Variants in KIAA1755 observed in about 807,000 individuals in gnomAD.
KIAA1755 encodes uncharacterized protein KIAA1755.
Under a neutral mutation model 91.7 loss-of-function variants are expected in KIAA1755, and 68 were observed. The observed-to-expected ratio is 0.74, with a 90% CI of 0.61 to 0.91. The LOEUF is 0.91. Ranked by LOEUF, KIAA1755 falls within the 40% of genes least tolerant of loss-of-function variation. The pLI is 0.00. For missense variants in KIAA1755, 1,535 were observed against 1,494.4 expected (o/e 1.03, Z -0.45); for synonymous variants, 610 against 604.6 (o/e 1.01, Z -0.13).
At chr20:38,228,057 G>T in intron 6 of KIAA1755, 90 bp downstream of exon 6, 2 of 896,246 alleles carry the variant, frequency 2.2e-6, no homozygotes, top group Non-Finnish European at 3.2e-6. Context: ...CCTGGTCCCA[G>T]CCTTAAGCAC....
intron 5 of KIAA1755, among the ~76,000 whole-genome samples, chr20:38,228,899 TGC>T (rs2075809058): frequency 1.3e-5 from 2 of 152,204 alleles, no homozygotes; most frequent in Non-Finnish European, 1.5e-5. Context: ...TCAGCCACAT[TGC>T]ACTGAGCTTA....
intron 13 of KIAA1755, chr20:38,217,012 G>A (rs1298578763): frequency 1.5e-6 from 1 of 671,382 alleles, no homozygotes; most frequent in African/African-American, 1.8e-5. Context: ...AAGACTTGGG[G>A]AGTGAATCAC....
chr20:38,239,037 A>G (rs762575787), intron 4 of KIAA1755, among the ~76,000 whole-genome samples: 1 of 152,148 alleles, frequency 6.6e-6, no homozygotes, highest in Non-Finnish European at 1.5e-5. Context: ...GGATCAGCCC[A>G]CAGTTAATGA....
chr20:38,260,431 G>A lies in KIAA1755; in HGVS notation c.3+67C>T, dbSNP rs2076428344. On this transcript the variant is annotated intron_variant, in intron 1 of 13. Coordinates refer to ENST00000279024, the MANE Select transcript of KIAA1755 (RefSeq NM_001029864.2). ...CAGGGCCACCCGGGGCTGTTCTGCA[G>A]GGAATGGGGAGGGCTGTGCCCACTG... is the stretch of plus-strand genomic sequence containing the variant. 25 of 1,568,930 alleles carry A rather than the reference G, an allele frequency of 1.6e-5. No homozygotes were observed. The South Asian group carries it at 3.0e-4, about 19-fold the overall frequency.
intron 2 of KIAA1755, among the ~76,000 whole-genome samples, chr20:38,242,224 C>T (rs1295410336): frequency 1.3e-5 from 2 of 152,230 alleles, no homozygotes; most frequent in African/African-American, 2.4e-5. Context: ...CTCATGCTCC[C>T]TTCCTCTCTG....
Position 38,240,940 on chromosome 20 carries a change from G to A in KIAA1755, c.1191C>T (p.Ala397=), listed in dbSNP as rs543952757. The change falls in exon 3 of 14, where the codon GCC becomes GCT. Residue 397 remains alanine (A), a synonymous_variant. Coordinates refer to ENST00000279024, the MANE Select transcript of KIAA1755 (RefSeq NM_001029864.2). ...LRAGVSQEPA[A]SKMQGPLGNP... ...TTCCTAGAGGTCCCTGCATCTTGGA[G>A]GCAGCTGGCTCTTGTGAGACACCTG... 32 of 1,614,078 alleles carry A rather than the reference G, an allele frequency of 2.0e-5. No individual in the cohort carries two copies. The East Asian group carries it at 2.7e-4, about 13-fold the overall frequency.
At position 38,228,177 on chromosome 20, in the gene KIAA1755, G is replaced by A. The variant is rs74723843; in HGVS notation, c.1935C>T (p.Pro645=). ...LIDARRQPPQ[P]GLVSALQATQ... Reference sequence around the variant, plus strand: ...TGGCCTGCAGGGCGCTGACCAGACCGGGCTGTGGGGGCTGTCTCCTGGCGT... The same window carrying A: ...TGGCCTGCAGGGCGCTGACCAGACCAGGCTGTGGGGGCTGTCTCCTGGCGT... The change falls in exon 6 of 14, where the codon CCC becomes CCT. Residue 645 remains proline (P), a synonymous_variant. Coordinates refer to ENST00000279024, the MANE Select transcript of KIAA1755 (RefSeq NM_001029864.2). 6,719 of 1,605,086 alleles carry A rather than the reference G, an allele frequency of 4.2e-3. 198 individuals carry two copies. In the African/African-American group the frequency reaches 0.073, roughly 17 times the overall value.
chr20:38,223,323 C>G (rs112293982), intron 9 of KIAA1755, among the ~76,000 whole-genome samples: 4 of 152,248 alleles, frequency 2.6e-5, no homozygotes, highest in African/African-American at 9.6e-5. Context: ...CACAGCACCA[C>G]GAGCCCCAAG....
chr20:38,253,226 A>T lies in KIAA1755; in HGVS notation c.4-7100T>A, dbSNP rs548436226. On this transcript the variant is annotated intron_variant, in intron 1 of 13. Transcript: ENST00000279024. ...AACCAGGCCCGCACTGCTGGCTCCT[A>T]TACCATGCTCACGACCTTCTGGACT... 1.4e-4 allele frequency among the ~76,000 whole-genome samples: 22 copies of T among 152,322 alleles called. No homozygotes were observed. In the South Asian group the frequency reaches 4.3e-3, roughly 30 times the overall value.
rs762032635 is a variant in KIAA1755, at chr20:38,217,402, C to G, written c.2752G>C (p.Glu918Gln). The stretch of plus-strand genomic sequence containing the variant: ...TCTGGGAACTCTGCACGTTCTGCCT[C>G]CCCAGCCCCTCTGGCTGTAGCTCCC... ...QLGATARGAG[E>Q]AERAEFPELA... Residue 918 changes from glutamate to glutamine, a missense_variant, in exon 13 of 14, where the codon GAG becomes CAG. Physicochemically the swap from Glu to Gln is conservative, Grantham distance 29 (BLOSUM62 2). Coordinates refer to ENST00000279024, the MANE Select transcript of KIAA1755 (RefSeq NM_001029864.2). The G allele has an allele frequency of 6.2e-6, 10 of 1,613,210 alleles. No individual in the cohort carries two copies. Among genetic ancestry groups the G allele is most frequent in the Non-Finnish European group, 8.5e-6 (10 of 1,179,756 alleles).
chr20:38,235,234 A>G (rs2075940236), intron 4 of KIAA1755, among the ~76,000 whole-genome samples: 1 of 152,236 alleles, frequency 6.6e-6, no homozygotes, highest in Non-Finnish European at 1.5e-5. Context: ...GCTCAGGGTG[A>G]GGTCTCAATC....
intron 1 of KIAA1755, among the ~76,000 whole-genome samples, chr20:38,248,847 C>T (rs2076200445): frequency 6.8e-6 from 1 of 147,522 alleles, no homozygotes; most frequent in African/African-American, 2.5e-5. Flanking sequence ...AGGGATGAGC[C>T]ACCGTGCTTG....
chr20:38,218,060 T>A (rs2075583705), intron 12 of KIAA1755, 184 bp downstream of exon 12: 5 of 710,766 alleles, frequency 7.0e-6, no homozygotes, highest in Non-Finnish European at 1.1e-5. Flanking sequence ...GGCTTGGCCA[T>A]CTGGTAAGAA....
chr20:38,218,317 G>A lies in KIAA1755; in HGVS notation c.2606C>T (p.Thr869Ile). 2 of 1,614,216 alleles carry A rather than the reference G, an allele frequency of 1.2e-6. No homozygotes were observed. The highest frequency in any genetic ancestry group is 1.7e-6 in the Non-Finnish European group (2 of 1,180,040). Residue 869 changes from threonine to isoleucine, a missense_variant, in exon 12 of 14, where the codon ACC becomes ATC. Thr to Ile is a moderately conservative substitution (Grantham distance 89). Coordinates refer to ENST00000279024, the MANE Select transcript of KIAA1755 (RefSeq NM_001029864.2). ...QEGRRCLQSL[T>I]PKDGSLETVE... Reference sequence around the variant, plus strand: ...TGTCTCCAAACTTCCATCCTTGGGGGTCAGTGATTGCAGGCACCGCCTTCC... The same window carrying A: ...TGTCTCCAAACTTCCATCCTTGGGGATCAGTGATTGCAGGCACCGCCTTCC...
chr20:38,255,701 G>A (rs2076329455), intron 1 of KIAA1755, among the ~76,000 whole-genome samples: 1 of 152,150 alleles, frequency 6.6e-6, no homozygotes, highest in Non-Finnish European at 1.5e-5. Flanking sequence ...GTGGGTGGAG[G>A]TATGAGTGAG....
chr20:38,216,561 C>T (rs772931567), intron 13 of KIAA1755, among the ~76,000 whole-genome samples: 10 of 152,350 alleles, frequency 6.6e-5, no homozygotes, highest in Middle Eastern at 3.4e-3. Flanking sequence ...GGACCACACT[C>T]TCCCAGGCTG....
chr20:38,222,391 C>G (rs952400654), intron 10 of KIAA1755, 58 bp downstream of exon 10: 3 of 1,572,672 alleles, frequency 1.9e-6, no homozygotes, highest in Non-Finnish European at 1.7e-6. Flanking sequence ...GTCCCAGCTC[C>G]AAGCTCCTGG....
intron 10 of KIAA1755, among the ~76,000 whole-genome samples, chr20:38,221,264 C>T (rs1352666431): frequency 6.6e-6 from 1 of 152,186 alleles, no homozygotes; most frequent in Non-Finnish European, 1.5e-5. Context: ...TCATGTGGGA[C>T]CACAGTGACC....
At chr20:38,234,646 T>C (rs904994731) in intron 4 of KIAA1755, among the ~76,000 whole-genome samples, 1 of 152,182 alleles carries the variant, frequency 6.6e-6, no homozygotes, top group Admixed American at 6.5e-5. Context: ...ATGTAGGTAG[T>C]CCCCAGACCA....
Sources: gnomAD v4.1 joint callset for allele counts (sites outside exome capture counted in the v4.1 genomes callset) on GRCh38, gnomAD v4.1.1 for gene constraint, MANE v1.5 for transcripts, NCBI Gene and HGNC (gene_info 2026-07-23, HGNC 2026-07-21) for gene names.